Variants in CADM2 observed in about 807,000 individuals in gnomAD.
The protein encoded by CADM2 is cell adhesion molecule 2, also known as immunoglobulin superfamily member 4D.
A neutral mutation model predicts 49.8 loss-of-function variants in CADM2; 12 were observed. The observed-to-expected ratio is 0.24, with a 90% confidence interval of 0.15 to 0.39. The LOEUF is 0.39. Among genes scored for constraint, CADM2 ranks in the 10% least tolerant of loss-of-function variants. CADM2 has a pLI of 1.00. For missense variants in CADM2, 378 were observed against 492.3 expected, an observed-to-expected ratio of 0.77 and a Z score of 2.20; for synonymous variants, 214 against 175.4, an observed-to-expected ratio of 1.22 and a Z score of -1.74.
chr3:85,673,248 A>T (rs2065796268), intron 1 of CADM2, among the ~76,000 whole-genome samples: 1 of 152,226 alleles, frequency 6.6e-6, no homozygotes, highest in African/African-American at 2.4e-5. Context: ...CTTAGTCACA[A>T]TTTTTCTTCC....
intron 2 of CADM2, among the ~76,000 whole-genome samples, chr3:85,738,230 C>T (rs1254572244): frequency 2.0e-5 from 3 of 152,100 alleles, no homozygotes; most frequent in African/African-American, 4.8e-5. Flanking sequence ...AAATAGAGAG[C>T]AAATATCTGT....
At chr3:85,090,723 C>A (rs757041493) in intron 1 of CADM2, among the ~76,000 whole-genome samples, 1 of 152,112 alleles carries the variant, frequency 6.6e-6, no homozygotes, top group Non-Finnish European at 1.5e-5. Flanking sequence ...CTGAGCACCA[C>A]CTGCTGTCAG....
intron 3 of CADM2, among the ~76,000 whole-genome samples, chr3:85,869,950 C>A (rs953566182): frequency 1.3e-5 from 2 of 152,128 alleles, no homozygotes; most frequent in African/African-American, 4.8e-5. Context: ...CGTGAGCCAC[C>A]GCGCCCTGCC....
At chr3:85,216,272 C>A (rs1016133710) in intron 1 of CADM2, among the ~76,000 whole-genome samples, 2 of 145,770 alleles carry the variant, frequency 1.4e-5, no homozygotes, top group African/African-American at 2.5e-5. Context: ...AATAGTTTAT[C>A]TATTAAATAT....
At chr3:85,586,581 T>C (rs1230756808) in intron 1 of CADM2, among the ~76,000 whole-genome samples, 1 of 152,130 alleles carries the variant, frequency 6.6e-6, no homozygotes, top group African/African-American at 2.4e-5. Context: ...AGAATTACAA[T>C]TTATCTTGGG....
chr3:85,199,649 T>C (rs957892456), intron 1 of CADM2, among the ~76,000 whole-genome samples: 1 of 151,960 alleles, frequency 6.6e-6, no homozygotes, highest in South Asian at 2.1e-4. Context: ...TATTGAGCAT[T>C]GAACCACTAA....
At chr3:84,973,992 T>G (rs2031646017) in intron 1 of CADM2, among the ~76,000 whole-genome samples, 1 of 152,138 alleles carries the variant, frequency 6.6e-6, no homozygotes, top group Non-Finnish European at 1.5e-5. Context: ...ATAAAATGAA[T>G]TTTTATACAA....
At chr3:85,573,381 C>T (rs1483053492) in intron 1 of CADM2, among the ~76,000 whole-genome samples, 2 of 151,780 alleles carry the variant, frequency 1.3e-5, no homozygotes, top group Non-Finnish European at 2.9e-5. Flanking sequence ...TTAGAGGAGA[C>T]GGGTTTCACC....
chr3:85,245,468 C>A lies in CADM2; in HGVS notation c.61+285800C>A, dbSNP rs528470967. On this transcript the variant is annotated intron_variant, in intron 1 of 9. Coordinates refer to ENST00000383699, the MANE Select transcript of CADM2 (RefSeq NM_001167675.2). ...CGAAGCTTGCAGTGAGCCGAGATTG[C>A]ACCACTGCACTCCAGCCTGGCGACA... 1.3e-3 allele frequency among the ~76,000 whole-genome samples: 190 copies of A among 151,334 alleles called. 1 individual carries two copies. Among genetic ancestry groups the A allele is most frequent in the African/African-American group, 4.2e-3 (172 of 41,214 alleles).
intron 1 of CADM2, among the ~76,000 whole-genome samples, chr3:85,568,971 T>G (rs141338236): frequency 5.8e-4 from 89 of 152,252 alleles, no homozygotes; most frequent in African/African-American, 2.0e-3. Context: ...CGTCTCAATT[T>G]GACATAATTA....
intron 1 of CADM2, among the ~76,000 whole-genome samples, chr3:85,136,111 T>C (rs911385122): frequency 1.1e-4 from 17 of 152,052 alleles, no homozygotes; most frequent in Non-Finnish European, 2.1e-4. Context: ...TGACAGTGAC[T>C]GAAATGTTGT....
At chr3:85,257,531 C>T (rs764262432) in intron 1 of CADM2, among the ~76,000 whole-genome samples, 1 of 152,016 alleles carries the variant, frequency 6.6e-6, no homozygotes, top group Admixed American at 6.6e-5. Flanking sequence ...CCTCTTTTGC[C>T]TATTCTTCAA....
At chr3:85,009,962 T>C (rs2107248678) in intron 1 of CADM2, among the ~76,000 whole-genome samples, 1 of 151,936 alleles carries the variant, frequency 6.6e-6, no homozygotes, top group African/African-American at 2.4e-5. Flanking sequence ...AAGGATATTA[T>C]ATACGTTATT....
chr3:85,785,469 A>C (rs1559655604), intron 2 of CADM2, among the ~76,000 whole-genome samples: 1 of 152,094 alleles, frequency 6.6e-6, no homozygotes, highest in Non-Finnish European at 1.5e-5. Flanking sequence ...TTTTGTGTTA[A>C]TCTGAATATT....
intron 1 of CADM2, among the ~76,000 whole-genome samples, chr3:85,482,933 A>G (rs867131813): frequency 4.0e-5 from 6 of 151,730 alleles, no homozygotes; most frequent in Middle Eastern, 3.4e-3. Context: ...TTTTATGAAT[A>G]TATATTTGAC....
intron 1 of CADM2, among the ~76,000 whole-genome samples, chr3:85,389,627 C>T (rs777589324): frequency 1.4e-4 from 21 of 151,920 alleles, no homozygotes; most frequent in Admixed American, 2.0e-4. Flanking sequence ...CTTCTTTTGC[C>T]GAGTTCTTTA....
chr3:85,598,851 GTGTGTATATATA>G (rs1466727259), intron 1 of CADM2, among the ~76,000 whole-genome samples: 3 of 148,260 alleles, frequency 2.0e-5, no homozygotes, highest in Middle Eastern at 3.6e-3. Flanking sequence ...AAGTGTGTGT[GTGTGTATATATA>G]TATATATATA....
intron 1 of CADM2, among the ~76,000 whole-genome samples, chr3:85,706,683 C>T (rs2066960789): frequency 6.6e-6 from 1 of 152,062 alleles, no homozygotes; most frequent in Non-Finnish European, 1.5e-5. Context: ...ATACATTTCT[C>T]AATAACTGAA....
intron 1 of CADM2, among the ~76,000 whole-genome samples, chr3:85,050,694 C>G (rs949704691): frequency 2.6e-5 from 4 of 152,054 alleles, no homozygotes; most frequent in Non-Finnish European, 5.9e-5. Context: ...TTTAAGATAA[C>G]TATAGAAAAA....
Sources: gnomAD v4.1 joint callset for allele counts (sites outside exome capture counted in the v4.1 genomes callset) on GRCh38, gnomAD v4.1.1 for gene constraint, MANE v1.5 for transcripts, NCBI Gene and HGNC (gene_info 2026-07-23, HGNC 2026-07-21) for gene names.